The following CA5B variants were observed in gnomAD, a reference collection of about 807,000 sequenced individuals.
CA5B encodes carbonic anhydrase 5B, mitochondrial.
Under a neutral mutation model 23.1 loss-of-function variants are expected in CA5B, and 15 were observed. The ratio of observed to expected loss-of-function variants is 0.65; its 90% CI spans 0.43 to 1.00. CA5B has a LOEUF of 1.00. Among genes scored for constraint, CA5B ranks in the 50% least tolerant of loss-of-function variants. The pLI, the probability that CA5B is intolerant of heterozygous loss-of-function variation, is 0.00. For missense variants in CA5B, 236 were observed against 252.2 expected, an observed-to-expected ratio of 0.94 and a Z score of 0.43; for synonymous variants, 84 against 98.5, an observed-to-expected ratio of 0.85 and a Z score of 0.87.
intron 1 of CA5B, among the ~76,000 whole-genome samples, chrX:15,747,959 G>T (rs1931271092): frequency 9.0e-6 from 1 of 111,372 alleles, no homozygotes; most frequent in South Asian, 3.8e-4. Context: ...TGCAAGAGAG[G>T]CGTCCAAAAA....
chrX:15,780,835 G>GC (rs1342012536), intron 7 of CA5B, among the ~76,000 whole-genome samples: 1 of 112,021 alleles, frequency 8.9e-6, no homozygotes, highest in African/African-American at 3.2e-5. Context: ...AGCTCTATTT[G>GC]CCCTGAAGTC....
At position 15,776,851 on chromosome X, in the gene CA5B, A is replaced by G. The variant is rs142544808; in HGVS notation, c.756A>G (p.Val252=). ...SVTWIIKKQP[V]EVDHDQLEQF... ...CCTGGATCATTAAGAAGCAACCAGT[A>G]GAGGTTGATCATGATCAGGTATGTT... The change falls in exon 7 of 8, where the codon GTA becomes GTG. Residue 252 remains valine (V), a synonymous_variant. Transcript: ENST00000318636. The G allele has an allele frequency of 9.9e-6, 12 of 1,207,459 alleles. No individual in the cohort carries two copies. In the African/African-American group the frequency reaches 2.1e-4, roughly 21 times the overall value.
At chrX:15,744,259 G>A (rs753860463) in intron 1 of CA5B, among the ~76,000 whole-genome samples, 3 of 112,970 alleles carry the variant, frequency 2.7e-5, no homozygotes, top group Admixed American at 9.3e-5. Flanking sequence ...AGTGCTTTCC[G>A]GATGGCTCTC....
intron 2 of CA5B, among the ~76,000 whole-genome samples, chrX:15,761,788 C>A (rs1429324673): frequency 9.0e-6 from 1 of 111,134 alleles, no homozygotes; most frequent in African/African-American, 3.3e-5. Flanking sequence ...CACTAGATGT[C>A]ACTAGCACCC....
intron 2 of CA5B, among the ~76,000 whole-genome samples, chrX:15,758,635 T>C (rs991424146): frequency 1.8e-5 from 2 of 111,580 alleles, no homozygotes; most frequent in African/African-American, 6.5e-5. Context: ...GCCTCTCAAG[T>C]AGCTGGGACT....
rs745831325 is a variant in CA5B, at chrX:15,741,943, C to T, written c.-54+3591C>T. 4.5e-5 allele frequency among the ~76,000 whole-genome samples: 5 copies of T among 112,025 alleles called. No homozygotes were observed. In the East Asian group the frequency reaches 1.4e-3, roughly 31 times the overall value. On this transcript the variant is annotated intron_variant, in intron 1 of 7. Coordinates refer to ENST00000318636, the MANE Select transcript of CA5B (RefSeq NM_007220.4). The stretch of plus-strand genomic sequence containing the variant: ...TGGCTATCTTTGAATACCAAGTACC[C>T]TGTCCAACTATACTGTCACTGCCCA...
intron 7 of CA5B, among the ~76,000 whole-genome samples, chrX:15,779,710 G>A (rs1424939360): frequency 9.0e-6 from 1 of 111,216 alleles, no homozygotes; most frequent in African/African-American, 3.3e-5. Context: ...CTACCACCAT[G>A]AAAGTACTAG....
intron 3 of CA5B, among the ~76,000 whole-genome samples, chrX:15,771,370 CAA>C (rs11290495): frequency 4.5e-4 from 40 of 88,240 alleles, no homozygotes; most frequent in African/African-American, 4.6e-4. Context: ...GACCCTGTTT[CAA>C]AAAAAAAAAA....
At chrX:15,749,832 C>A (rs762616817) in intron 1 of CA5B, 139 bp from the exon 2 acceptor site, 5 of 430,755 alleles carry the variant, frequency 1.2e-5, no homozygotes, top group Non-Finnish European at 1.9e-5. Context: ...GTGGATAAAC[C>A]GTTGACTCTC....
intron 1 of CA5B, among the ~76,000 whole-genome samples, chrX:15,744,386 G>A (rs1931183012): frequency 8.9e-6 from 1 of 112,650 alleles, no homozygotes; most frequent in Admixed American, 9.3e-5. Flanking sequence ...GGCCTCATGT[G>A]TGTTCACTCA....
At chrX:15,768,086 C>T (rs938589383) in intron 3 of CA5B, among the ~76,000 whole-genome samples, 10 of 102,575 alleles carry the variant, frequency 9.7e-5, no homozygotes, top group South Asian at 4.5e-4. Flanking sequence ...TTAGTAGAGA[C>T]GGGTTTCACC....
At chrX:15,771,774 AC>A (rs1931825814) in intron 3 of CA5B, among the ~76,000 whole-genome samples, 1 of 110,006 alleles carries the variant, frequency 9.1e-6, no homozygotes, top group South Asian at 3.9e-4. Context: ...GTATACATTT[AC>A]CAGGTACAAT....
intron 1 of CA5B, among the ~76,000 whole-genome samples, chrX:15,744,134 C>T (rs1474280732): frequency 1.8e-5 from 2 of 112,627 alleles, no homozygotes; most frequent in East Asian, 5.6e-4. Flanking sequence ...TCCTCTAGGC[C>T]AGGCGTCATT....
intron 2 of CA5B, among the ~76,000 whole-genome samples, chrX:15,755,278 G>A (rs896874349): frequency 8.9e-6 from 1 of 111,995 alleles, no homozygotes; most frequent in African/African-American, 3.2e-5. Context: ...AATAGCCCTG[G>A]AACTGACCAT....
chrX:15,757,529 A>G (rs1271425919), intron 2 of CA5B, among the ~76,000 whole-genome samples: 1 of 109,439 alleles, frequency 9.1e-6, no homozygotes, highest in Non-Finnish European at 1.9e-5. Flanking sequence ...ACAAACAAGC[A>G]ACAACAACAA....
chrX:15,753,707 G>A lies in CA5B; in HGVS notation c.142+3542G>A, dbSNP rs745934154. On this transcript the variant is annotated intron_variant, in intron 2 of 7. Coordinates refer to ENST00000318636, the MANE Select transcript of CA5B (RefSeq NM_007220.4). ...GTGGATCACCTGAGGTCAGGAGTTC[G>A]AGATCAGCCTGGCCAACATGGTGAA... is the stretch of plus-strand genomic sequence containing the variant. Among the ~76,000 whole-genome samples the A allele has an allele frequency of 1.3e-3, 143 of 112,185 alleles. 1 individual carries two copies. The highest frequency in any genetic ancestry group is 4.2e-3 in the African/African-American group (130 of 30,941).
chrX:15,754,380 C>T (rs1227625241), intron 2 of CA5B, among the ~76,000 whole-genome samples: 1 of 112,368 alleles, frequency 8.9e-6, no homozygotes, highest in Non-Finnish European at 1.9e-5. Flanking sequence ...TAAGAGGAGG[C>T]AAAGCAAAAT....
intron 2 of CA5B, among the ~76,000 whole-genome samples, chrX:15,752,537 A>AAC (rs148540857): frequency 0.23 from 25,517 of 109,511 alleles, 2,440 homozygotes; most frequent in East Asian, 0.52. Context: ...TATCCTGGCT[A>AAC]ACACGGTGAA....
chrX:15,745,337 C>T, intron 1 of CA5B, among the ~76,000 whole-genome samples: 1 of 110,602 alleles, frequency 9.0e-6, no homozygotes, highest in Middle Eastern at 4.7e-3. Flanking sequence ...AGCGAGATTG[C>T]CAGGGGCTAA....
Sources: allele counts gnomAD v4.1 joint callset (sites outside exome capture counted in the v4.1 genomes callset), GRCh38; gene constraint gnomAD v4.1.1; transcripts MANE v1.5; gene names NCBI Gene and HGNC (gene_info 2026-07-23, HGNC 2026-07-21).